The following BST1 variants were observed in gnomAD, a reference collection of about 807,000 sequenced individuals.
BST1 encodes bone marrow stromal cell antigen 1.
In BST1, 49 loss-of-function variants were observed where a neutral mutation model predicts 40.6. The ratio of observed to expected loss-of-function variants is 1.21; its 90% CI spans 0.96 to 1.53. The LOEUF (loss-of-function observed/expected upper bound fraction) is 1.53. BST1 is among the 40% of genes most tolerant of loss of function. BST1 has a pLI of 0.00. For missense variants in BST1, 423 were observed against 395.9 expected (o/e 1.07, Z -0.58); for synonymous variants, 157 against 159.3 (o/e 0.99, Z 0.11).
At chr4:15,727,714 TCA>T (rs1394950085) in intron 8 of BST1, among the ~76,000 whole-genome samples, 1 of 152,110 alleles carries the variant, frequency 6.6e-6, no homozygotes, top group Non-Finnish European at 1.5e-5. Flanking sequence ...TAGAAAAATA[TCA>T]CAGTCTTTGA....
intron 4 of BST1, among the ~76,000 whole-genome samples, chr4:15,712,696 C>T (rs1484139695): frequency 6.6e-6 from 1 of 152,152 alleles, no homozygotes; most frequent in African/African-American, 2.4e-5. Context: ...TGGCCAAATC[C>T]TCCATGGTGG....
chr4:15,735,495 G>C (rs4266290), downstream of BST1, among the ~76,000 whole-genome samples: 50,962 of 151,932 alleles, frequency 0.34, 9,478 homozygotes, highest in East Asian at 0.61. Flanking sequence ...ACAAGGTGTG[G>C]CATGCTTTTC....
intron 8 of BST1, among the ~76,000 whole-genome samples, chr4:15,730,153 A>C (rs901607234): frequency 6.6e-6 from 1 of 152,216 alleles, no homozygotes; most frequent in Non-Finnish European, 1.5e-5. Flanking sequence ...TTTCTTTAGC[A>C]AAAAAGAGAG....
the BST1 span, chr4:15,743,583 C>A: frequency 2.9e-6 from 1 of 339,228 alleles, no homozygotes; most frequent in East Asian, 9.1e-5. Context: ...AAGGGCCCAG[C>A]TGGGAGCCTC....
chr4:15,705,311 T>C (rs1303308279), intron 1 of BST1, among the ~76,000 whole-genome samples: 1 of 152,014 alleles, frequency 6.6e-6, no homozygotes, highest in African/African-American at 2.4e-5. Flanking sequence ...GAGAAATCTG[T>C]GCAGTGCCTT....
chr4:15,756,825 A>T, the BST1 span, among the ~76,000 whole-genome samples: 1 of 152,212 alleles, frequency 6.6e-6, no homozygotes, highest in East Asian at 1.9e-4. Context: ...GTTGGGGCTC[A>T]GGATGCACCA....
At position 15,731,841 on chromosome 4, in the gene BST1, T is replaced by A; in HGVS notation, c.953T>A (p.Leu318Gln). The A allele has an allele frequency of 6.2e-7, 1 of 1,612,580 alleles. No homozygotes were observed. The highest frequency in any genetic ancestry group is 1.3e-5 in the African/African-American group (1 of 75,030). ...LFLVLASRTQ[L>Q] ...CTGGTGCTGGCTTCCAGGACTCAACTGTAACTGGAAACTGTGTTGCTCTAA... is the reference window on the plus strand; with the variant it reads ...CTGGTGCTGGCTTCCAGGACTCAACAGTAACTGGAAACTGTGTTGCTCTAA... Residue 318 changes from leucine (L) to glutamine (Q), a missense_variant, in exon 9 of 9, where the codon CTG becomes CAG. Coordinates refer to ENST00000265016, the MANE Select transcript of BST1 (RefSeq NM_004334.3).
chr4:15,752,720 G>A, the BST1 span, among the ~76,000 whole-genome samples: 1 of 152,122 alleles, frequency 6.6e-6, no homozygotes, highest in African/African-American at 2.4e-5. Context: ...TGGTAGCCAT[G>A]TGTCTGAACT....
chr4:15,726,421 G>C (rs753231880), intron 8 of BST1, among the ~76,000 whole-genome samples: 36 of 152,164 alleles, frequency 2.4e-4, no homozygotes, highest in Non-Finnish European at 5.0e-4. Flanking sequence ...CAAAGGTGCT[G>C]GGCAGCCAGA....
Position 15,703,076 on chromosome 4 carries a change from G to C in BST1, c.-69G>C. 2.7e-6 allele frequency: 4 copies of C among 1,486,790 alleles called. No homozygotes were observed. The highest frequency in any genetic ancestry group is 3.5e-6 in the Non-Finnish European group (4 of 1,127,032). 92.1% of individuals were successfully genotyped at this position (1,486,790 alleles called of 1,614,324 possible). ...GAGTCCCGCCCTGCATCAGTTTGCG[G>C]AACCGCCTTGGTAGAAGGAGAGAAG... is the stretch of plus-strand genomic sequence containing the variant. On this transcript the variant is annotated 5_prime_UTR_variant, in exon 1 of 9. Transcript: ENST00000265016.
chr4:15,710,016 G>A (rs1010992816), intron 3 of BST1, among the ~76,000 whole-genome samples: 7 of 151,548 alleles, frequency 4.6e-5, no homozygotes, highest in Non-Finnish European at 7.4e-5. Context: ...TCTGCCACCC[G>A]GGCTGTAATG....
the BST1 span, among the ~76,000 whole-genome samples, chr4:15,768,739 A>C: frequency 1.4e-5 from 2 of 147,164 alleles, no homozygotes; most frequent in Admixed American, 6.7e-5. Flanking sequence ...CTCATGATCC[A>C]CCCGCCTCAG....
the BST1 span, among the ~76,000 whole-genome samples, chr4:15,754,978 A>G: frequency 6.6e-6 from 1 of 152,194 alleles, no homozygotes; most frequent in Non-Finnish European, 1.5e-5. Flanking sequence ...GTACTCCTTA[A>G]TAGTACATCC....
intron 5 of BST1, 119 bp from the exon 6 acceptor site, chr4:15,715,588 C>T: frequency 1.2e-6 from 1 of 865,902 alleles, no homozygotes; most frequent in Admixed American, 3.2e-5. Context: ...AAAATAAAAG[C>T]TAAAGAAGAA....
At chr4:15,730,118 C>G (rs1008424721) in intron 8 of BST1, among the ~76,000 whole-genome samples, 1 of 152,096 alleles carries the variant, frequency 6.6e-6, no homozygotes, top group African/African-American at 2.4e-5. Flanking sequence ...GTAGGTGGAG[C>G]ACTAATACAA....
At chr4:15,754,339 A>G in the BST1 span, among the ~76,000 whole-genome samples, 1 of 152,214 alleles carries the variant, frequency 6.6e-6, no homozygotes, top group Non-Finnish European at 1.5e-5. Context: ...CTGGCCTAAA[A>G]GAACCCAAGG....
At chr4:15,710,322 T>C (rs773834855) in intron 3 of BST1, among the ~76,000 whole-genome samples, 1 of 152,188 alleles carries the variant, frequency 6.6e-6, no homozygotes, top group Non-Finnish European at 1.5e-5. Context: ...CTCAAAAAAT[T>C]GTATATATTT....
At chr4:15,722,739 A>G (rs1720878572) in intron 7 of BST1, 136 bp from the exon 8 acceptor site, 4 of 715,908 alleles carry the variant, frequency 5.6e-6, no homozygotes, top group Non-Finnish European at 9.3e-6. Flanking sequence ...GGCCACTAAT[A>G]TTTTTAGAGG....
intron 3 of BST1, 59 bp downstream of exon 3, chr4:15,707,705 A>G: frequency 1.9e-6 from 3 of 1,587,322 alleles, no homozygotes; most frequent in Non-Finnish European, 2.6e-6. Flanking sequence ...ATGCATTACC[A>G]TTTGTGCTAA....
Sources: gnomAD v4.1 joint callset for allele counts (sites outside exome capture counted in the v4.1 genomes callset) on GRCh38, gnomAD v4.1.1 for gene constraint, MANE v1.5 for transcripts, NCBI Gene and HGNC (gene_info 2026-07-23, HGNC 2026-07-21) for gene names.